PCDHA1: variants seen among roughly 807,000 people sequenced by gnomAD.
The protein encoded by PCDHA1 is protocadherin alpha 1.
PCDHA1 carries 42 observed loss-of-function variants against 61.3 expected under a neutral mutation model. That is an observed-to-expected ratio of 0.69 (90% CI 0.54 to 0.89). The LOEUF (loss-of-function observed/expected upper bound fraction) is 0.89. Among genes scored for constraint, PCDHA1 ranks in the 40% least tolerant of loss-of-function variants. The pLI, the probability that PCDHA1 is intolerant of heterozygous loss-of-function variation, is 0.00. For synonymous variants in PCDHA1, 610 were observed against 553.8 expected, an observed-to-expected ratio of 1.10 and a Z score of -1.43; for missense variants, 1,256 against 1,235.3, an observed-to-expected ratio of 1.02 and a Z score of -0.25.
At chr5:140,917,530 T>C (rs2078244431) in intron 1 of PCDHA1, among the ~76,000 whole-genome samples, 1 of 152,262 alleles carries the variant, frequency 6.6e-6, no homozygotes, top group Admixed American at 6.5e-5. Flanking sequence ...ACGGTTTGTA[T>C]AGTTTTAGGT....
intron 1 of PCDHA1, chr5:140,828,253 G>A: frequency 6.2e-7 from 1 of 1,613,994 alleles, no homozygotes. Context: ...ACCTGGGGCT[G>A]GAGCTGGCGG....
At chr5:140,830,868 G>A (rs2150190199) in intron 1 of PCDHA1, 7 of 153,410 alleles carry the variant, frequency 4.6e-5, no homozygotes, top group African/African-American at 9.6e-5. Context: ...ATCATATATT[G>A]AAATTTGAGC....
chr5:140,982,340 G>C (rs1186327832), intron 2 of PCDHA1, 135 bp from the exon 3 acceptor site: 1 of 1,458,038 alleles, frequency 6.9e-7, no homozygotes, highest in East Asian at 2.5e-5. Flanking sequence ...AGCAGTAATT[G>C]CTTCAGTTCA....
intron 1 of PCDHA1, among the ~76,000 whole-genome samples, chr5:140,962,475 T>C (rs772721001): frequency 2.0e-5 from 3 of 152,232 alleles, no homozygotes; most frequent in Non-Finnish European, 4.4e-5. Context: ...TCTCTTTGTT[T>C]ATTCTAAGCA....
At chr5:140,994,848 T>C (rs1453646097) in intron 3 of PCDHA1, among the ~76,000 whole-genome samples, 2 of 151,686 alleles carry the variant, frequency 1.3e-5, no homozygotes, top group East Asian at 3.9e-4. Flanking sequence ...ATAAGATGAG[T>C]GCATTTGATG....
chr5:140,929,460 C>A, intron 1 of PCDHA1: 1 of 1,331,154 alleles, frequency 7.5e-7, no homozygotes, highest in Non-Finnish European at 1.0e-6. Context: ...ACTTCCTGTG[C>A]CAAGAAATCT....
intron 1 of PCDHA1, chr5:140,808,078 A>G (rs1764093032): frequency 6.2e-7 from 1 of 1,614,080 alleles, no homozygotes; most frequent in Non-Finnish European, 8.5e-7. Context: ...ACATAGATCC[A>G]ATTACTGGAC....
At chr5:140,891,454 A>C (rs1562858065) in intron 1 of PCDHA1, among the ~76,000 whole-genome samples, 1 of 145,650 alleles carries the variant, frequency 6.9e-6, no homozygotes, top group East Asian at 2.1e-4. Context: ...AGGATTTTTG[A>C]ATTTGTGAAT....
intron 1 of PCDHA1, chr5:140,841,844 C>T: frequency 6.2e-7 from 1 of 1,613,842 alleles, no homozygotes; most frequent in Non-Finnish European, 8.5e-7. Flanking sequence ...GCTTAGCTCT[C>T]ATGATTACTT....
intron 3 of PCDHA1, among the ~76,000 whole-genome samples, chr5:140,991,900 A>G (rs137964856): frequency 9.8e-4 from 149 of 152,250 alleles, no homozygotes; most frequent in African/African-American, 3.0e-3. Context: ...TTAACACAAA[A>G]TCCCTTTTGC....
intron 1 of PCDHA1, chr5:140,830,214 C>G (rs2150182827): frequency 2.5e-6 from 4 of 1,613,730 alleles, no homozygotes; most frequent in Non-Finnish European, 3.4e-6. Flanking sequence ...TGCGCGGTAT[C>G]CAGCCTGCTG....
chr5:140,872,560 A>G (rs944323027), intron 1 of PCDHA1, among the ~76,000 whole-genome samples: 1 of 152,156 alleles, frequency 6.6e-6, no homozygotes, highest in African/African-American at 2.4e-5. Context: ...CCAGGGGTTC[A>G]GGGCTGCAGT....
At chr5:140,850,283 A>G (rs143335350) in intron 1 of PCDHA1, 3 of 1,595,592 alleles carry the variant, frequency 1.9e-6, no homozygotes, top group Non-Finnish European at 2.6e-6. Context: ...AGGTGCGCGC[A>G]GTGGACGCCG....
Position 140,982,498 on chromosome 5 carries a change from G to A in PCDHA1, c.2477G>A (p.Gly826Asp), listed in dbSNP as rs782347331. The change falls in exon 3 of 4, where the codon GGC becomes GAC. Residue 826 changes from glycine to aspartate, a missense_variant. By Grantham distance (94) the Gly-to-Asp change is moderately conservative. Transcript: ENST00000504120. ...AGCTCTGTGCACCTAGAGGAGGCTG[G>A]CATTCTACGGGCTGGTCCAGGAGGG... Reference protein sequence around the residue: ...MHSSVHLEEAGILRAGPGGPD... With the variant: ...MHSSVHLEEADILRAGPGGPD... 6 of 1,614,062 alleles carry A rather than the reference G, an allele frequency of 3.7e-6. No homozygotes were observed. The Admixed American group carries it at 5.0e-5, about 13-fold the overall frequency.
At chr5:140,974,721 G>T (rs1033117636) in intron 1 of PCDHA1, among the ~76,000 whole-genome samples, 1 of 152,050 alleles carries the variant, frequency 6.6e-6, no homozygotes, top group Non-Finnish European at 1.5e-5. Context: ...AGCTGCTCTC[G>T]AACTCCTGTC....
chr5:140,807,346 A>G (rs373851381), intron 1 of PCDHA1: 57 of 1,612,700 alleles, frequency 3.5e-5, no homozygotes, highest in Middle Eastern at 3.5e-4. Context: ...AGGACCTGGG[A>G]CTGGAGCTGG....
At chr5:140,802,730 C>A (rs781795094) in intron 1 of PCDHA1, 10 of 1,612,594 alleles carry the variant, frequency 6.2e-6, no homozygotes, top group African/African-American at 1.3e-5. Context: ...TGTCGGTACA[C>A]GCGGAGAGCG....
At chr5:141,008,923 C>T (rs2098394604) in intron 3 of PCDHA1, among the ~76,000 whole-genome samples, 1 of 152,160 alleles carries the variant, frequency 6.6e-6, no homozygotes. Flanking sequence ...ATTTATTCAG[C>T]TAATTTTTCT....
At chr5:140,925,238 T>C (rs2082404327) in intron 1 of PCDHA1, among the ~76,000 whole-genome samples, 1 of 152,248 alleles carries the variant, frequency 6.6e-6, no homozygotes, top group African/African-American at 2.4e-5. Context: ...CCAGAAAATA[T>C]GTCCTGGAAA....
Sources: gnomAD v4.1 joint callset for allele counts (sites outside exome capture counted in the v4.1 genomes callset) on GRCh38, gnomAD v4.1.1 for gene constraint, MANE v1.5 for transcripts, NCBI Gene and HGNC (gene_info 2026-07-23, HGNC 2026-07-21) for gene names.